GSTO2: variants seen among roughly 807,000 people sequenced by gnomAD.
GSTO2 encodes the protein glutathione S-transferase omega 2.
Under a neutral mutation model 28.4 loss-of-function variants are expected in GSTO2, and 23 were observed. The observed-to-expected ratio is 0.81, with a 90% CI of 0.58 to 1.15. The LOEUF (loss-of-function observed/expected upper bound fraction) is 1.15. Ranked by LOEUF, GSTO2 falls within the 50% of genes most tolerant of loss-of-function variation. The pLI is 0.00. For missense variants in GSTO2, 298 were observed against 297.8 expected, an observed-to-expected ratio of 1.00 and a Z score of 0.00; for synonymous variants, 109 against 111.0, an observed-to-expected ratio of 0.98 and a Z score of 0.11.
rs2011879448 is a variant in GSTO2 at position 104,279,480 on chromosome 10, A to T, written c.468+9A>T. Reference sequence around the variant, plus strand: ...TCAGCAACCTGGAAGAGGTACAAAAAGGGGTCCCTCTCCTGGTCAGCTACA... The same window carrying T: ...TCAGCAACCTGGAAGAGGTACAAAATGGGGTCCCTCTCCTGGTCAGCTACA... On this transcript the variant is annotated intron_variant, in intron 5 of 6. Coordinates refer to ENST00000338595, the MANE Select transcript of GSTO2 (RefSeq NM_183239.2). 1 of 1,597,650 alleles carries T rather than the reference A, an allele frequency of 6.3e-7. No homozygotes were observed. The highest frequency in any genetic ancestry group is 8.6e-7 in the Non-Finnish European group (1 of 1,165,366).
chr10:104,269,544 C>A (rs958574517), intron 1 of GSTO2, among the ~76,000 whole-genome samples: 1 of 152,170 alleles, frequency 6.6e-6, no homozygotes, highest in African/African-American at 2.4e-5. Context: ...TGGAAACAGG[C>A]AGAGACCACC....
chr10:104,299,311 C>G lies in GSTO2; in HGVS notation c.*27C>G, dbSNP rs2013186847. The stretch of plus-strand genomic sequence containing the variant: ...TCTCACTGTCCACCCCTTCGCTGTC[C>G]AGAATTCCCCAGCTTGTTGGGAGTC... On this transcript the variant is annotated 3_prime_UTR_variant, in exon 7 of 7. Transcript: ENST00000338595. 1 of 1,612,700 alleles carries G rather than the reference C, an allele frequency of 6.2e-7. No homozygotes were observed. The highest frequency in any genetic ancestry group is 1.3e-5 in the African/African-American group (1 of 74,932).
At chr10:104,269,638 T>C (rs2011291047) in intron 1 of GSTO2, among the ~76,000 whole-genome samples, 1 of 152,164 alleles carries the variant, frequency 6.6e-6, no homozygotes, top group South Asian at 2.1e-4. Flanking sequence ...GCAGGGGAAT[T>C]TGGTTTCTGG....
In GSTO2 at chr10:104,279,438, A is replaced by AGCC. The variant is rs1433410875; in HGVS notation, c.436_438dup (p.Ala146dup). 3.7e-6 allele frequency: 6 copies of AGCC among 1,614,012 alleles called. No homozygotes were observed. Among genetic ancestry groups the AGCC allele is most frequent in the Non-Finnish European group, 5.1e-6 (6 of 1,179,960 alleles). ...GGAGAGAATGCACTAATCTGAAGGC[A>AGCC]GCCCTGCGTCAGGAATTCAGCAACC... On this transcript the variant is annotated inframe_insertion, in exon 5 of 7. Transcript: ENST00000338595.
chr10:104,293,717 G>A (rs2012894387), intron 5 of GSTO2, among the ~76,000 whole-genome samples: 1 of 151,634 alleles, frequency 6.6e-6, no homozygotes, highest in Non-Finnish European at 1.5e-5. Context: ...AGGACTACAG[G>A]TGCCACCACC....
intron 3 of GSTO2, among the ~76,000 whole-genome samples, chr10:104,275,685 G>C (rs1330884637): frequency 6.6e-6 from 1 of 152,080 alleles, no homozygotes; most frequent in African/African-American, 2.4e-5. Flanking sequence ...CACACCCCAG[G>C]CATCTTAGGT....
At chr10:104,289,451 A>G (rs761626515) in intron 5 of GSTO2, among the ~76,000 whole-genome samples, 4 of 152,176 alleles carry the variant, frequency 2.6e-5, no homozygotes, top group Non-Finnish European at 4.4e-5. Flanking sequence ...GCCAGCATAG[A>G]ATTTTCAGAG....
At position 104,301,737 on chromosome 10, in the gene GSTO2, T is replaced by A. The variant is rs2013262532; in HGVS notation, c.*2453T>A. 1 of 152,220 alleles carries A rather than the reference T, an allele frequency of 6.6e-6. No homozygotes were observed. The highest frequency in any genetic ancestry group is 2.4e-5 in the African/African-American group (1 of 41,462). The allele number at this position is 152,220 out of a possible 1,614,324, so 9.4% of individuals were successfully genotyped here. A position where few individuals can be genotyped will look rare whatever the true frequency, so the allele number is the denominator to read the frequency against. ...ACTTTTAGTAATTGGTGTCTACCTTTTTTTCCCCTTTTCTTTTAAATAATA... is the reference window on the plus strand; with the variant it reads ...ACTTTTAGTAATTGGTGTCTACCTTATTTTCCCCTTTTCTTTTAAATAATA... On this transcript the variant is annotated 3_prime_UTR_variant, in exon 7 of 7. Transcript: ENST00000338595.
In GSTO2 at chr10:104,282,225, C is replaced by CAAA. The variant is rs71022727; in HGVS notation, c.468+2770_468+2772dup. Among the ~76,000 whole-genome samples, 185 of 88,890 alleles carry CAAA rather than the reference C, an allele frequency of 2.1e-3. 2 individuals carry two copies. Among genetic ancestry groups the CAAA allele is most frequent in the Middle Eastern group, 6.9e-3 (1 of 144 alleles). 58.3% of individuals were successfully genotyped at this position (88,890 alleles called of 152,430 possible). On this transcript the variant is annotated intron_variant, in intron 5 of 6. Transcript: ENST00000338595. ...TGGGCAACAGAGTGAGACTCTGTTT[C>CAAA]AAAAAAAAAAAAAAAAAAGAAAAGA...
At chr10:104,294,688 T>C (rs1433488277) in intron 5 of GSTO2, among the ~76,000 whole-genome samples, 2 of 152,224 alleles carry the variant, frequency 1.3e-5, no homozygotes, top group African/African-American at 4.8e-5. Flanking sequence ...AGCGGGGGAC[T>C]GGTGAAGGAT....
rs1333806128 is a variant in GSTO2, at chr10:104,301,820, C to G, written c.*2536C>G. 1 of 152,092 alleles carries G rather than the reference C, an allele frequency of 6.6e-6. No individual in the cohort carries two copies. Among genetic ancestry groups the G allele is most frequent in the South Asian group, 2.1e-4 (1 of 4,822 alleles). 9.4% of individuals were successfully genotyped at this position (152,092 alleles called of 1,614,324 possible). ...TCTTGAACTCCTGGCTTCAAGTGAT[C>G]CTCCCATCTCGGCATCCCAAAGTGC... is the stretch of plus-strand genomic sequence containing the variant. On this transcript the variant is annotated 3_prime_UTR_variant, in exon 7 of 7. Transcript: ENST00000338595.
At chr10:104,292,426 G>T (rs2135135867) in intron 5 of GSTO2, among the ~76,000 whole-genome samples, 1 of 151,916 alleles carries the variant, frequency 6.6e-6, no homozygotes, top group African/African-American at 2.4e-5. Context: ...CCAAAGCACT[G>T]GGATTACAGG....
At chr10:104,277,651 A>G (rs974376132) in intron 3 of GSTO2, among the ~76,000 whole-genome samples, 2 of 152,086 alleles carry the variant, frequency 1.3e-5, no homozygotes, top group African/African-American at 4.8e-5. Context: ...CTTCTTTCCT[A>G]TGAGGTGAGC....
At chr10:104,286,544 G>A (rs2012433423) in intron 5 of GSTO2, among the ~76,000 whole-genome samples, 1 of 152,178 alleles carries the variant, frequency 6.6e-6, no homozygotes, top group African/African-American at 2.4e-5. Flanking sequence ...GTTTTTGCAT[G>A]AATATACGTT....
At chr10:104,289,969 C>T (rs1415708366) in intron 5 of GSTO2, among the ~76,000 whole-genome samples, 3 of 152,150 alleles carry the variant, frequency 2.0e-5, no homozygotes, top group South Asian at 4.1e-4. Context: ...AGGGAACCCT[C>T]GTTCACTGGG....
intron 3 of GSTO2, among the ~76,000 whole-genome samples, chr10:104,277,586 A>G (rs2135097458): frequency 6.6e-6 from 1 of 152,222 alleles, no homozygotes; most frequent in Admixed American, 6.5e-5. Flanking sequence ...GCGCCCGGCC[A>G]GCTCTACTAC....
At chr10:104,277,320 C>G (rs1373753577) in intron 3 of GSTO2, among the ~76,000 whole-genome samples, 1 of 148,612 alleles carries the variant, frequency 6.7e-6, no homozygotes, top group Non-Finnish European at 1.5e-5. Context: ...GATGGAGTTT[C>G]TTGCCCAGGC....
At chr10:104,280,650 T>C (rs928612822) in intron 5 of GSTO2, among the ~76,000 whole-genome samples, 1 of 152,218 alleles carries the variant, frequency 6.6e-6, no homozygotes, top group Non-Finnish European at 1.5e-5. Context: ...GTAATGGAGC[T>C]ACTTATCCTG....
At chr10:104,295,297 C>T (rs36032394) in intron 5 of GSTO2, 4,735 of 152,276 alleles carry the variant, frequency 0.031, 103 homozygotes, top group South Asian at 0.11. Flanking sequence ...TGTTAGCTTC[C>T]TTGAACAAGG....
Sources: allele counts gnomAD v4.1 joint callset (sites outside exome capture counted in the v4.1 genomes callset), GRCh38; gene constraint gnomAD v4.1.1; transcripts MANE v1.5; gene names NCBI Gene and HGNC (gene_info 2026-07-23, HGNC 2026-07-21).